The following THAP12 variants were observed in gnomAD, a reference collection of about 807,000 sequenced individuals.
The protein encoded by THAP12 is 52 kDa repressor of the inhibitor of the protein kinase.
A neutral mutation model predicts 63.0 loss-of-function variants in THAP12; 20 were observed. The observed-to-expected ratio is 0.32, with a 90% CI of 0.22 to 0.46. The LOEUF (loss-of-function observed/expected upper bound fraction) is 0.46. THAP12 is among the 20% of genes least tolerant of loss of function. THAP12 has a pLI of 1.00. For missense variants in THAP12, 568 were observed against 908.2 expected (o/e 0.63, Z 4.81); for synonymous variants, 264 against 328.4 (o/e 0.80, Z 2.12).
chr11:76,365,292 T>TAA (rs774462964), intron 2 of THAP12, among the ~76,000 whole-genome samples: 23 of 131,050 alleles, frequency 1.8e-4, no homozygotes, highest in Admixed American at 7.7e-4. Context: ...AGACTGTCTT[T>TAA]AAAAAAAAAA....
rs535559660 is a variant in THAP12, at chr11:76,379,245, T to A, written c.89+1503A>T. On this transcript the variant is annotated intron_variant, in intron 1 of 4. Coordinates refer to ENST00000260045, the MANE Select transcript of THAP12 (RefSeq NM_004705.4). ...TTCAAACCATATCTCAAATTTACCA[T>A]CTCCTCCTCTATTAATCTGGATTAT... Among the ~76,000 whole-genome samples, 37 of 152,314 alleles carry A rather than the reference T, an allele frequency of 2.4e-4. No homozygotes were observed. The South Asian group carries it at 2.9e-3, about 12-fold the overall frequency.
At chr11:76,357,536 CCTT>C (rs1946569707) in intron 3 of THAP12, 1 of 151,012 alleles carries the variant, frequency 6.6e-6, no homozygotes, top group Non-Finnish European at 1.5e-5. Context: ...TATAAAGAAA[CCTT>C]CTAAAAAGCT....
intron 1 of THAP12, among the ~76,000 whole-genome samples, chr11:76,373,758 G>C (rs902533959): frequency 6.6e-6 from 1 of 151,622 alleles, no homozygotes; most frequent in African/African-American, 2.4e-5. Flanking sequence ...TCACATTTTA[G>C]AGCAGCAATT....
intron 1 of THAP12, among the ~76,000 whole-genome samples, chr11:76,378,343 T>A (rs1946725680): frequency 6.6e-6 from 1 of 152,162 alleles, no homozygotes; most frequent in Non-Finnish European, 1.5e-5. Flanking sequence ...GAATAGTTTG[T>A]GAACATCGGT....
intron 1 of THAP12, among the ~76,000 whole-genome samples, chr11:76,374,386 CA>C (rs34052754): frequency 0.31 from 43,606 of 138,474 alleles, 6,513 homozygotes; most frequent in African/African-American, 0.42. Context: ...ATTCATTATA[CA>C]AAAAAAAAAA....
chr11:76,361,749 T>G (rs562864912), intron 2 of THAP12, among the ~76,000 whole-genome samples: 1 of 152,362 alleles, frequency 6.6e-6, no homozygotes, highest in East Asian at 1.9e-4. Context: ...CTACTCATTT[T>G]TTAGTTAACA....
intron 1 of THAP12, among the ~76,000 whole-genome samples, chr11:76,370,052 G>T (rs1294201072): frequency 6.6e-6 from 1 of 152,234 alleles, no homozygotes; most frequent in Non-Finnish European, 1.5e-5. Context: ...TTTGGGGAGG[G>T]TAACAACTGG....
chr11:76,354,882 C>G (rs1946549518), intron 4 of THAP12, among the ~76,000 whole-genome samples: 1 of 152,156 alleles, frequency 6.6e-6, no homozygotes, highest in Non-Finnish European at 1.5e-5. Flanking sequence ...AAAACAGCAC[C>G]CTGTTTCGTG....
At chr11:76,360,840 G>A (rs959046243) in intron 3 of THAP12, 116 bp downstream of exon 3, 15 of 704,156 alleles carry the variant, frequency 2.1e-5, no homozygotes, top group African/African-American at 5.4e-5. Context: ...TTTATTTCCC[G>A]TTACATTACC....
intron 1 of THAP12, among the ~76,000 whole-genome samples, chr11:76,366,895 T>C (rs1436227468): frequency 6.6e-6 from 1 of 152,092 alleles, no homozygotes; most frequent in African/African-American, 2.4e-5. Flanking sequence ...ACAAAGTCCA[T>C]GCCCTCTCGG....
intron 1 of THAP12, among the ~76,000 whole-genome samples, chr11:76,371,934 T>G (rs1046970586): frequency 1.4e-5 from 2 of 147,384 alleles, no homozygotes; most frequent in Non-Finnish European, 3.0e-5. Flanking sequence ...TGCCTCAGCC[T>G]CCTGAGTAGC....
intron 2 of THAP12, among the ~76,000 whole-genome samples, chr11:76,362,440 A>G (rs1024146293): frequency 6.6e-6 from 1 of 152,242 alleles, no homozygotes; most frequent in Non-Finnish European, 1.5e-5. Flanking sequence ...ATGAATTTCT[A>G]TTCAGAGTCA....
At chr11:76,366,827 T>C (rs1946634658) in intron 1 of THAP12, among the ~76,000 whole-genome samples, 1 of 152,058 alleles carries the variant, frequency 6.6e-6, no homozygotes, top group Admixed American at 6.6e-5. Context: ...GCTCCATGAA[T>C]GCAGGGACTG....
At chr11:76,370,949 T>A (rs1946670380) in intron 1 of THAP12, among the ~76,000 whole-genome samples, 1 of 151,954 alleles carries the variant, frequency 6.6e-6, no homozygotes, top group African/African-American at 2.4e-5. Context: ...TACATACTCG[T>A]CTCAAATTTT....
At chr11:76,359,447 A>T (rs1048603296) in intron 3 of THAP12, 1 of 152,220 alleles carries the variant, frequency 6.6e-6, no homozygotes, top group Non-Finnish European at 1.5e-5. Flanking sequence ...ATAAATTTAC[A>T]ATAGCTAATA....
At chr11:76,373,489 G>C (rs544650867) in intron 1 of THAP12, among the ~76,000 whole-genome samples, 2 of 151,228 alleles carry the variant, frequency 1.3e-5, no homozygotes, top group East Asian at 2.0e-4. Context: ...GCTGAACAAG[G>C]GGGGAATGCT....
intron 3 of THAP12, among the ~76,000 whole-genome samples, chr11:76,360,053 C>A (rs372234450): frequency 1.3e-5 from 2 of 151,890 alleles, no homozygotes; most frequent in Non-Finnish European, 2.9e-5. Context: ...TACCAGTGGA[C>A]GAAAGGAAGA....
intron 1 of THAP12, among the ~76,000 whole-genome samples, chr11:76,368,051 T>C (rs1032354802): frequency 6.6e-6 from 1 of 152,246 alleles, no homozygotes; most frequent in African/African-American, 2.4e-5. Context: ...TAAAATAATT[T>C]GCCATACTGC....
chr11:76,377,304 T>C (rs937503700), intron 1 of THAP12, among the ~76,000 whole-genome samples: 3 of 152,188 alleles, frequency 2.0e-5, no homozygotes, highest in African/African-American at 7.2e-5. Flanking sequence ...TAATGGCAAT[T>C]AACACATTCA....
Sources: gnomAD v4.1 joint callset for allele counts (sites outside exome capture counted in the v4.1 genomes callset) on GRCh38, gnomAD v4.1.1 for gene constraint, MANE v1.5 for transcripts, NCBI Gene and HGNC (gene_info 2026-07-23, HGNC 2026-07-21) for gene names.